Variants in RBM19 observed in about 807,000 individuals in gnomAD.
The protein encoded by RBM19 is RNA binding motif protein 19.
A neutral mutation model predicts 116.8 loss-of-function variants in RBM19; 94 were observed. The observed-to-expected ratio is 0.80, with a 90% CI of 0.68 to 0.95. RBM19 has a LOEUF of 0.95. Among genes scored for constraint, RBM19 ranks in the 40% least tolerant of loss-of-function variants. The probability of loss-of-function intolerance (pLI) is 0.00; values close to 1 mark genes in which losing one functional copy is unlikely to be tolerated. For synonymous variants in RBM19, 475 were observed against 494.1 expected (o/e 0.96, Z 0.51); for missense variants, 1,161 against 1,220.7 (o/e 0.95, Z 0.73).
intron 16 of RBM19, among the ~76,000 whole-genome samples, chr12:113,933,121 G>A (rs750309773): frequency 4.6e-5 from 7 of 151,764 alleles, no homozygotes; most frequent in Admixed American, 2.6e-4. Flanking sequence ...GATAAAACAC[G>A]CTGTCCCCCT....
chr12:113,921,934 T>G (rs1217209180), intron 18 of RBM19, among the ~76,000 whole-genome samples: 1 of 152,208 alleles, frequency 6.6e-6, no homozygotes, highest in Non-Finnish European at 1.5e-5. Flanking sequence ...CCCAGATTCC[T>G]TGCTTCCTGT....
At chr12:113,950,584 A>C (rs975229200) in intron 8 of RBM19, among the ~76,000 whole-genome samples, 15 of 152,174 alleles carry the variant, frequency 9.9e-5, no homozygotes, top group African/African-American at 3.6e-4. Flanking sequence ...TGCACAAAAA[A>C]ACAAGCAAAT....
rs900733361 is a variant in RBM19 at position 113,830,587 on chromosome 12, G to C, written c.2786-7266C>G. The stretch of plus-strand genomic sequence containing the variant: ...TAGGGCTGCGGGGCGGGGGGGGGGG[G>C]GGTGGGCTATGCCTGGGGGCTTCTA... On this transcript the variant is annotated intron_variant, in intron 23 of 23. Transcript: ENST00000261741. 6.3e-5 allele frequency among the ~76,000 whole-genome samples: 6 copies of C among 95,568 alleles called. No individual in the cohort carries two copies. In the East Asian group the frequency reaches 1.4e-3, roughly 22 times the overall value. The allele number at this position is 95,568 out of a possible 152,430, so 62.7% of individuals were successfully genotyped here. A position where few individuals can be genotyped will look rare whatever the true frequency, so the allele number is the denominator to read the frequency against.
At chr12:113,840,428 G>C (rs1876360308) in intron 23 of RBM19, among the ~76,000 whole-genome samples, 1 of 152,182 alleles carries the variant, frequency 6.6e-6, no homozygotes, top group Non-Finnish European at 1.5e-5. Context: ...GGCTGCTCCT[G>C]CCCCCGGGAA....
chr12:113,836,903 CCCCCCCCCCCCCCACAT>C (rs1447105103), intron 23 of RBM19, among the ~76,000 whole-genome samples: 23 of 2,344 alleles, frequency 9.8e-3, no homozygotes, highest in South Asian at 0.017. Context: ...TACATACACA[CCCCCCCCCCCCCCACAT>C]ACACACACAC....
At chr12:113,847,683 A>G (rs916668045) in intron 22 of RBM19, among the ~76,000 whole-genome samples, 3 of 152,120 alleles carry the variant, frequency 2.0e-5, no homozygotes, top group Non-Finnish European at 2.9e-5. Flanking sequence ...CAAGAACGGA[A>G]TAAGATCCCA....
intron 21 of RBM19, among the ~76,000 whole-genome samples, chr12:113,879,738 C>T (rs1023796236): frequency 6.6e-6 from 1 of 152,014 alleles, no homozygotes; most frequent in Non-Finnish European, 1.5e-5. Context: ...CTGGGGAGCT[C>T]GGGCTACATC....
At chr12:113,911,966 T>C (rs7962824) in intron 21 of RBM19, among the ~76,000 whole-genome samples, 41,928 of 152,142 alleles carry the variant, frequency 0.28, 5,985 homozygotes, top group Middle Eastern at 0.41. Flanking sequence ...TCCACTGCTG[T>C]GCCTCTCTCT....
chr12:113,915,543 G>T (rs1050400174), intron 20 of RBM19, among the ~76,000 whole-genome samples: 40 of 152,184 alleles, frequency 2.6e-4, no homozygotes, highest in African/African-American at 9.2e-4. Context: ...TCTCAGCCCA[G>T]GTTCAAGGCC....
chr12:113,935,896 C>T (rs1870014557), intron 16 of RBM19, among the ~76,000 whole-genome samples: 1 of 152,068 alleles, frequency 6.6e-6, no homozygotes, highest in African/African-American at 2.4e-5. Flanking sequence ...ATTAGCCAGG[C>T]GTGGTGGTGG....
Position 113,947,324 on chromosome 12 carries a change from G to C in RBM19, c.1407+10C>G, listed in dbSNP as rs200127719. 2 of 1,586,268 alleles carry C rather than the reference G, an allele frequency of 1.3e-6. No homozygotes were observed. Among genetic ancestry groups the C allele is most frequent in the East Asian group, 4.5e-5 (2 of 44,236 alleles). On this transcript the variant is annotated intron_variant, in intron 11 of 23. Coordinates refer to ENST00000261741, the MANE Select transcript of RBM19 (RefSeq NM_016196.4). Reference sequence around the variant, plus strand: ...CACAGCCTCCTGGCCAGCCCAGGACGGGGCCTCACCTGGAATACCTGCCCG... The same window carrying C: ...CACAGCCTCCTGGCCAGCCCAGGACCGGGCCTCACCTGGAATACCTGCCCG...
chr12:113,867,323 G>T (rs184554018), intron 21 of RBM19, among the ~76,000 whole-genome samples: 2 of 152,306 alleles, frequency 1.3e-5, no homozygotes, highest in African/African-American at 4.8e-5. Flanking sequence ...GAATTTTCAT[G>T]GGACTCATCA....
chr12:113,948,812 G>T (rs1184795359), intron 10 of RBM19, 21 bp downstream of exon 10: 1 of 1,613,256 alleles, frequency 6.2e-7, no homozygotes, highest in Non-Finnish European at 8.5e-7. Flanking sequence ...GCTATCCACG[G>T]CCCGGAGGCC....
At chr12:113,827,250 A>G (rs1425829531) in intron 23 of RBM19, among the ~76,000 whole-genome samples, 1 of 152,222 alleles carries the variant, frequency 6.6e-6, no homozygotes, top group Non-Finnish European at 1.5e-5. Context: ...ATAAACAACA[A>G]GTGAATGTCA....
chr12:113,953,990 T>C (rs1871690507), intron 7 of RBM19, among the ~76,000 whole-genome samples: 1 of 152,244 alleles, frequency 6.6e-6, no homozygotes, highest in African/African-American at 2.4e-5. Context: ...TTATTATTTA[T>C]AACAGCAAAA....
chr12:113,929,850 C>T (rs1047859836), intron 16 of RBM19, among the ~76,000 whole-genome samples: 8 of 152,120 alleles, frequency 5.3e-5, no homozygotes, highest in Non-Finnish European at 1.0e-4. Flanking sequence ...CATCTGTACC[C>T]GAAATCTCAG....
In RBM19 at chr12:113,847,053, T is replaced by C. The variant is rs114866151; in HGVS notation, c.2665-2265A>G. 7.1e-3 allele frequency among the ~76,000 whole-genome samples: 1,082 copies of C among 152,254 alleles called. 13 individuals carry two copies. Among genetic ancestry groups the C allele is most frequent in the African/African-American group, 0.025 (1,034 of 41,544 alleles). On this transcript the variant is annotated intron_variant, in intron 22 of 23. Transcript: ENST00000261741. ...AAGCCATCCGGTCTGTGGCGTTTTGTTATAGTAGCCCTAGGGAAAGGACGC... is the reference window on the plus strand; with the variant it reads ...AAGCCATCCGGTCTGTGGCGTTTTGCTATAGTAGCCCTAGGGAAAGGACGC...
chr12:113,925,930 C>T (rs1869029231), intron 17 of RBM19, among the ~76,000 whole-genome samples: 3 of 152,148 alleles, frequency 2.0e-5, no homozygotes, highest in Non-Finnish European at 4.4e-5. Flanking sequence ...AAGTACATGC[C>T]GCCATTTAAA....
chr12:113,927,270 A>T, intron 16 of RBM19, 41 bp from the exon 17 acceptor site: 1 of 1,533,170 alleles, frequency 6.5e-7, no homozygotes, highest in Non-Finnish European at 8.8e-7. Flanking sequence ...AAAAACATCA[A>T]ATCCATGAAA....
Sources: gnomAD v4.1 joint callset for allele counts (sites outside exome capture counted in the v4.1 genomes callset) on GRCh38, gnomAD v4.1.1 for gene constraint, MANE v1.5 for transcripts, NCBI Gene and HGNC (gene_info 2026-07-23, HGNC 2026-07-21) for gene names.